FAM81A: variants seen among roughly 807,000 people sequenced by gnomAD.
FAM81A encodes the protein family with sequence similarity 81 member A, also known as protein FAM81A.
In FAM81A, 19 loss-of-function variants were observed where a neutral mutation model predicts 46.7. The ratio of observed to expected loss-of-function variants is 0.41; its 90% CI spans 0.28 to 0.60. The LOEUF is 0.60. Among genes scored for constraint, FAM81A ranks in the 20% least tolerant of loss-of-function variants. The pLI is 0.34. For missense variants in FAM81A, 377 were observed against 453.5 expected, an observed-to-expected ratio of 0.83 and a Z score of 1.53; for synonymous variants, 183 against 152.9, an observed-to-expected ratio of 1.20 and a Z score of -1.45.
intron 3 of FAM81A, among the ~76,000 whole-genome samples, chr15:59,466,040 A>G (rs2081609061): frequency 6.6e-6 from 1 of 152,220 alleles, no homozygotes; most frequent in Admixed American, 6.5e-5. Context: ...ACATGAACTC[A>G]TCCTTTTTTA....
intron 3 of FAM81A, among the ~76,000 whole-genome samples, chr15:59,473,704 C>A (rs4774333): frequency 0.78 from 117,925 of 152,034 alleles, 45,893 homozygotes; most frequent in East Asian, 0.85. Context: ...CAGTATAACT[C>A]TACCCTTAAG....
chr15:59,490,952 T>C (rs1016923505), intron 3 of FAM81A, among the ~76,000 whole-genome samples: 1 of 152,216 alleles, frequency 6.6e-6, no homozygotes, highest in Non-Finnish European at 1.5e-5. Context: ...GGAGCACTCA[T>C]ACAGTGTTGG....
chr15:59,487,906 C>T (rs958560608), intron 3 of FAM81A, among the ~76,000 whole-genome samples: 14 of 151,996 alleles, frequency 9.2e-5, no homozygotes, highest in Admixed American at 3.3e-4. Flanking sequence ...TTCTATGAGG[C>T]CAGTATTACC....
In FAM81A at chr15:59,460,430, T is replaced by C; in HGVS notation, c.294+224T>C. On this transcript the variant is annotated intron_variant, in intron 3 of 8. Transcript: ENST00000288228. The surrounding 1 kb of genome is among the most constrained non-coding windows in gnomAD (Gnocchi z 4.4). ...CAGTTACTGTTAGTGTTATGTTTAA[T>C]CTAAATTTACCTTGCTGATTATTAA... 1.5e-6 allele frequency: 1 copy of C among 656,620 alleles called. No homozygotes were observed. Among genetic ancestry groups the C allele is most frequent in the Non-Finnish European group, 2.7e-6 (1 of 371,076 alleles). The allele number at this position is 656,620 out of a possible 1,614,324, so 40.7% of individuals were successfully genotyped here. A position where few individuals can be genotyped will look rare whatever the true frequency, so the allele number is the denominator to read the frequency against.
chr15:59,435,054 T>C (rs988367815), upstream of FAM81A, among the ~76,000 whole-genome samples: 5 of 152,106 alleles, frequency 3.3e-5, no homozygotes, highest in African/African-American at 1.2e-4. Flanking sequence ...TTTGGGAGGC[T>C]GAGGCAGGTG....
At chr15:59,470,376 A>G (rs1267257121) in intron 3 of FAM81A, among the ~76,000 whole-genome samples, 1 of 152,126 alleles carries the variant, frequency 6.6e-6, no homozygotes, top group Non-Finnish European at 1.5e-5. Context: ...ACATAGTCCC[A>G]TATTTCTTGG....
chr15:59,484,617 G>A (rs1178796141), intron 3 of FAM81A, among the ~76,000 whole-genome samples: 1 of 152,210 alleles, frequency 6.6e-6, no homozygotes, highest in South Asian at 2.1e-4. Context: ...AACCAGCAGT[G>A]ATAAGCAAGT....
chr15:59,448,541 G>GA (rs1555428230), intron 1 of FAM81A, among the ~76,000 whole-genome samples: 35 of 151,922 alleles, frequency 2.3e-4, no homozygotes, highest in South Asian at 1.0e-3. Context: ...AGATAGATAG[G>GA]TAGATAGATA....
chr15:59,465,824 T>C (rs2081605640), intron 3 of FAM81A, among the ~76,000 whole-genome samples: 1 of 152,188 alleles, frequency 6.6e-6, no homozygotes, highest in South Asian at 2.1e-4. Context: ...TAGATATTTC[T>C]CCTAATGCTA....
rs1212736671 is a variant in FAM81A at position 59,492,292 on chromosome 15, G to T, written c.316G>T (p.Ala106Ser). ...CCAGGTACTCCAGGAGCAGATTCGT[G>T]CCCGGGACAACATTAGCTATGGAAC... ...DIEVLQEQIRARDNISYGTNS... is the reference protein window; with the variant it reads ...DIEVLQEQIRSRDNISYGTNS... The change falls in exon 4 of 9, where the codon GCC (alanine) becomes TCC (serine). Residue 106 changes from alanine to serine, a missense_variant. Physicochemically the swap from Ala to Ser is moderately conservative, Grantham distance 99 (BLOSUM62 1). Coordinates refer to ENST00000288228, the MANE Select transcript of FAM81A (RefSeq NM_152450.3). The T allele has an allele frequency of 8.1e-6, 13 of 1,613,172 alleles. No individual in the cohort carries two copies. Among genetic ancestry groups the T allele is most frequent in the Non-Finnish European group, 1.0e-5 (12 of 1,179,570 alleles).
chr15:59,467,969 T>C (rs11853300), intron 3 of FAM81A, among the ~76,000 whole-genome samples: 4,116 of 152,304 alleles, frequency 0.027, 93 homozygotes, highest in South Asian at 0.049. Context: ...GAGATAATCA[T>C]GTGGGTTTTG....
At chr15:59,475,524 A>G (rs570784576) in intron 3 of FAM81A, among the ~76,000 whole-genome samples, 2 of 152,346 alleles carry the variant, frequency 1.3e-5, no homozygotes, top group South Asian at 4.1e-4. Context: ...TGTTTTCCCA[A>G]CGTCCGAAAC....
At chr15:59,498,216 C>A (rs2082054674) in intron 4 of FAM81A, among the ~76,000 whole-genome samples, 1 of 152,208 alleles carries the variant, frequency 6.6e-6, no homozygotes, top group South Asian at 2.1e-4. Context: ...TCTTTAATAT[C>A]TTTCAACACT....
intron 2 of FAM81A, among the ~76,000 whole-genome samples, chr15:59,424,205 G>T (rs2081186242): frequency 6.6e-6 from 1 of 152,166 alleles, no homozygotes; most frequent in Non-Finnish European, 1.5e-5. Flanking sequence ...TGACCAGAGG[G>T]TTCATACCCT....
intron 2 of FAM81A, among the ~76,000 whole-genome samples, chr15:59,405,620 G>A (rs1419259945): frequency 6.8e-6 from 1 of 146,674 alleles, no homozygotes; most frequent in Admixed American, 7.0e-5. Flanking sequence ...CAGCCTGGGC[G>A]ACAGAGTGAG....
intron 1 of FAM81A, among the ~76,000 whole-genome samples, chr15:59,450,103 CTTTTTT>C (rs56862038): frequency 4.0e-5 from 5 of 126,290 alleles, no homozygotes; most frequent in African/African-American, 1.5e-4. Flanking sequence ...TTCTTTCTTT[CTTTTTT>C]TTTTTTTTTT....
chr15:59,496,995 G>A (rs372753558), intron 4 of FAM81A, among the ~76,000 whole-genome samples: 6 of 151,458 alleles, frequency 4.0e-5, no homozygotes, highest in South Asian at 2.1e-4. Flanking sequence ...GTGTGGTAGC[G>A]CACACCTGTA....
chr15:59,480,189 T>C (rs1277144041), intron 3 of FAM81A, among the ~76,000 whole-genome samples: 4 of 152,220 alleles, frequency 2.6e-5, no homozygotes, highest in African/African-American at 7.2e-5. Flanking sequence ...GGAACTGTGG[T>C]AAAAAGCCCT....
At chr15:59,440,951 T>A (rs1490938171) in intron 1 of FAM81A, among the ~76,000 whole-genome samples, 1 of 152,224 alleles carries the variant, frequency 6.6e-6, no homozygotes, top group African/African-American at 2.4e-5. Context: ...CAAAGACCTT[T>A]GGACAGGTTC....
Sources: gnomAD v4.1 joint callset for allele counts (sites outside exome capture counted in the v4.1 genomes callset) on GRCh38, gnomAD v4.1.1 for gene constraint, Gnocchi (gnomAD v3.1) non-coding constraint, MANE v1.5 for transcripts, NCBI Gene and HGNC (gene_info 2026-07-23, HGNC 2026-07-21) for gene names.